The following TIAM1 variants were observed in gnomAD, a reference collection of about 807,000 sequenced individuals.
TIAM1 encodes TIAM Rac1 associated GEF 1.
In TIAM1, 65 loss-of-function variants were observed where a neutral mutation model predicts 163.5. The observed-to-expected ratio is 0.40, with a 90% confidence interval of 0.33 to 0.49. The LOEUF (loss-of-function observed/expected upper bound fraction) is 0.49, where lower values mean the gene tolerates loss of function less well. Among genes scored for constraint, TIAM1 ranks in the 20% least tolerant of loss-of-function variants. TIAM1 has a pLI of 0.77. For synonymous variants in TIAM1, 833 were observed against 810.1 expected (o/e 1.03, Z -0.48); for missense variants, 1,789 against 2,044.7 (o/e 0.87, Z 2.41).
At chr21:31,493,896 A>G (rs9984200) in intron 1 of TIAM1, among the ~76,000 whole-genome samples, 43,904 of 151,730 alleles carry the variant, frequency 0.29, 7,526 homozygotes, top group African/African-American at 0.48. Flanking sequence ...TAGGTTTCTT[A>G]TGGGCAGGAA....
chr21:31,310,361 C>T (rs1186628308), intron 2 of TIAM1, among the ~76,000 whole-genome samples: 3 of 152,188 alleles, frequency 2.0e-5, no homozygotes, highest in African/African-American at 4.8e-5. Flanking sequence ...AGAGAGAAAG[C>T]AGTCCCCTCC....
chr21:31,436,463 C>A (rs1825800726), intron 2 of TIAM1, among the ~76,000 whole-genome samples: 1 of 151,962 alleles, frequency 6.6e-6, no homozygotes, highest in African/African-American at 2.4e-5. Context: ...CCCATCTCAA[C>A]TAAAAATGCA....
intron 2 of TIAM1, among the ~76,000 whole-genome samples, chr21:31,427,418 C>T (rs1487871537): frequency 2.0e-5 from 3 of 151,694 alleles, no homozygotes; most frequent in Non-Finnish European, 2.9e-5. Flanking sequence ...ACCTGGAAGG[C>T]GGGGGTTGCA....
intron 1 of TIAM1, among the ~76,000 whole-genome samples, chr21:31,555,927 A>G (rs758217438): frequency 6.6e-6 from 1 of 152,078 alleles, no homozygotes; most frequent in Non-Finnish European, 1.5e-5. Flanking sequence ...GACAGGCCCA[A>G]CGCTGCTTTT....
At position 31,245,590 on chromosome 21, in the gene TIAM1, G is replaced by A. The variant is rs762254951; in HGVS notation, c.1482C>T (p.Ala494=). The change falls in exon 6 of 28, where the codon GCC becomes GCT. Residue 494 remains alanine (A), a synonymous_variant. Transcript: ENST00000541036. ...GCACAATGCTGTTCTCCACCCAGAC[G>A]GCGTGTTTGGGGATGCTGTTGTGGT... ...GIDHNSIPKH[A]VWVENSIVQA... 6.2e-5 allele frequency: 99 copies of A among 1,608,108 alleles called. No individual in the cohort carries two copies. The highest frequency in any genetic ancestry group is 8.1e-5 in the Non-Finnish European group (95 of 1,177,446).
intron 1 of TIAM1, among the ~76,000 whole-genome samples, chr21:31,532,151 A>C (rs2047991621): frequency 6.6e-6 from 1 of 152,172 alleles, no homozygotes; most frequent in African/African-American, 2.4e-5. Flanking sequence ...CAAGCAATGC[A>C]AACAGGCCTA....
At chr21:31,479,038 A>T (rs148154398) in intron 1 of TIAM1, among the ~76,000 whole-genome samples, 12 of 152,198 alleles carry the variant, frequency 7.9e-5, no homozygotes, top group African/African-American at 2.9e-4. Flanking sequence ...CCTGTGAAAG[A>T]AATCGTGAGC....
At chr21:31,142,643 A>G (rs1443442808) in intron 20 of TIAM1, among the ~76,000 whole-genome samples, 1 of 147,314 alleles carries the variant, frequency 6.8e-6, no homozygotes, top group African/African-American at 2.7e-5. Context: ...AAAAAAAAAA[A>G]AAAGAAAGAA....
Position 31,266,964 on chromosome 21 carries a change from G to T in TIAM1, c.9C>A (p.Asn3Lys). The change falls in exon 4 of 28, where the codon AAC becomes AAA. Residue 3 changes from asparagine (N) to lysine (K), a missense_variant. Asn to Lys is a moderately conservative substitution (Grantham distance 94, BLOSUM62 0). Transcript: ENST00000541036. MGNAESQHVEHEF... is the reference protein window; with the variant it reads MGKAESQHVEHEF... The stretch of plus-strand genomic sequence containing the variant: ...CGTGCTCTACATGTTGACTTTCTGC[G>T]TTTCCCATGGTTTTATGGTCTGCAG... 6.2e-7 allele frequency: 1 copy of T among 1,600,510 alleles called. No individual in the cohort carries two copies. The highest frequency in any genetic ancestry group is 8.5e-7 in the Non-Finnish European group (1 of 1,171,162).
intron 11 of TIAM1, among the ~76,000 whole-genome samples, chr21:31,206,437 A>C (rs929200032): frequency 3.9e-5 from 6 of 152,252 alleles, no homozygotes; most frequent in African/African-American, 1.4e-4. Context: ...AAACATAGTA[A>C]TTCTAAATGT....
chr21:31,534,050 G>A (rs956977191), intron 1 of TIAM1, among the ~76,000 whole-genome samples: 2 of 152,124 alleles, frequency 1.3e-5, no homozygotes, highest in Non-Finnish European at 2.9e-5. Flanking sequence ...GGAAATACCC[G>A]CCTGGCATCC....
At chr21:31,169,792 A>T (rs2146384517) in intron 15 of TIAM1, among the ~76,000 whole-genome samples, 1 of 152,308 alleles carries the variant, frequency 6.6e-6, no homozygotes, top group Admixed American at 6.5e-5. Context: ...TACAAACTGT[A>T]ACTAAAACAA....
chr21:31,419,911 C>T (rs1331118306), intron 2 of TIAM1, among the ~76,000 whole-genome samples: 2 of 152,010 alleles, frequency 1.3e-5, no homozygotes, highest in East Asian at 3.9e-4. Context: ...ATTATCCAAG[C>T]GTGGTGGCGC....
intron 1 of TIAM1, among the ~76,000 whole-genome samples, chr21:31,479,075 CAAGGAACA>C (rs1468888742): frequency 2.6e-5 from 4 of 152,144 alleles, no homozygotes; most frequent in African/African-American, 9.7e-5. Flanking sequence ...ACTATTGAGA[CAAGGAACA>C]AAAACAGCTT....
At chr21:31,281,477 G>C (rs910030044) in intron 2 of TIAM1, among the ~76,000 whole-genome samples, 1 of 152,140 alleles carries the variant, frequency 6.6e-6, no homozygotes, top group East Asian at 1.9e-4. Context: ...TCCATAACCA[G>C]TAGTTTAATG....
At chr21:31,386,334 C>T (rs76359614) in intron 2 of TIAM1, among the ~76,000 whole-genome samples, 1 of 152,268 alleles carries the variant, frequency 6.6e-6, no homozygotes, top group East Asian at 1.9e-4. Flanking sequence ...CCCACTCACC[C>T]TCCCTTCTTG....
intron 1 of TIAM1, among the ~76,000 whole-genome samples, chr21:31,553,140 C>T (rs1432406049): frequency 1.3e-5 from 2 of 152,154 alleles, no homozygotes; most frequent in African/African-American, 4.8e-5. Flanking sequence ...TTCTGAGAGA[C>T]CAAAGTGGGT....
chr21:31,278,992 C>T (rs1235648941), intron 2 of TIAM1, among the ~76,000 whole-genome samples: 1 of 152,082 alleles, frequency 6.6e-6, no homozygotes, highest in Non-Finnish European at 1.5e-5. Flanking sequence ...CAAAGGAGGC[C>T]GGCAGGCGGC....
chr21:31,207,107 A>C (rs1054202931), intron 11 of TIAM1, among the ~76,000 whole-genome samples: 2 of 152,206 alleles, frequency 1.3e-5, no homozygotes, highest in African/African-American at 2.4e-5. Flanking sequence ...TGTGAATAAT[A>C]TCAGTAGGTA....
Sources: allele counts gnomAD v4.1 joint callset (sites outside exome capture counted in the v4.1 genomes callset), GRCh38; gene constraint gnomAD v4.1.1; transcripts MANE v1.5; gene names NCBI Gene and HGNC (gene_info 2026-07-23, HGNC 2026-07-21).